The following RPRD1A variants were observed in gnomAD, a reference collection of about 807,000 sequenced individuals.
The protein encoded by RPRD1A is regulation of nuclear pre-mRNA domain-containing protein 1A.
In RPRD1A, 9 loss-of-function variants were observed where a neutral mutation model predicts 37.8. That is an observed-to-expected ratio of 0.24 (90% CI 0.14 to 0.42). The LOEUF (loss-of-function observed/expected upper bound fraction) is 0.42, where lower values mean the gene tolerates loss of function less well. RPRD1A is among the 10% of genes least tolerant of loss of function. RPRD1A has a pLI of 1.00. For synonymous variants in RPRD1A, 138 were observed against 139.7 expected, an observed-to-expected ratio of 0.99 and a Z score of 0.08; for missense variants, 255 against 371.0, an observed-to-expected ratio of 0.69 and a Z score of 2.57.
chr18:36,014,571 T>A (rs1281203270), intron 6 of RPRD1A, among the ~76,000 whole-genome samples: 1 of 152,122 alleles, frequency 6.6e-6, no homozygotes, highest in Non-Finnish European at 1.5e-5. Flanking sequence ...AAACCCCGTC[T>A]CTACTAAAAA....
chr18:36,040,379 G>T (rs1233841576), intron 1 of RPRD1A, among the ~76,000 whole-genome samples: 1 of 152,154 alleles, frequency 6.6e-6, no homozygotes, highest in African/African-American at 2.4e-5. Flanking sequence ...TTAGTGAAAA[G>T]AATATTCTTG....
At position 35,991,676 on chromosome 18, in the gene RPRD1A, C is replaced by T. The variant is rs1489987928; in HGVS notation, c.*1475G>A. 3 of 152,176 alleles carry T rather than the reference C, an allele frequency of 2.0e-5. No homozygotes were observed. Among genetic ancestry groups the T allele is most frequent in the African/African-American group, 4.8e-5 (2 of 41,434 alleles). 9.4% of individuals were successfully genotyped at this position (152,176 alleles called of 1,614,324 possible). A position where few individuals can be genotyped will look rare whatever the true frequency, so the allele number is the denominator to read the frequency against. Reference sequence around the variant, plus strand: ...ATTAGTAGTGCATGGATGAGCACTACTTATATGTGTCTCTGTTTTGGAGAG... The same window carrying T: ...ATTAGTAGTGCATGGATGAGCACTATTTATATGTGTCTCTGTTTTGGAGAG... On this transcript the variant is annotated 3_prime_UTR_variant, in exon 7 of 7. Coordinates refer to ENST00000399022, the MANE Select transcript of RPRD1A (RefSeq NM_018170.5).
rs1555670677 is a variant in RPRD1A at position 36,008,575 on chromosome 18, G to GTGTGTGTGTA, written c.790-15276_790-15275insTACACACACA. Among the ~76,000 whole-genome samples, 73 of 42,358 alleles carry GTGTGTGTGTA rather than the reference G, an allele frequency of 1.7e-3. 2 individuals carry two copies. Among genetic ancestry groups the GTGTGTGTGTA allele is most frequent in the East Asian group, 5.5e-3 (9 of 1,646 alleles). 27.8% of individuals were successfully genotyped at this position (42,358 alleles called of 152,430 possible). On this transcript the variant is annotated intron_variant, in intron 6 of 6. Transcript: ENST00000399022. ...TGGGCGACACAGCAAGACCTTGTGT[G>GTGTGTGTGTA]TGTATATATATATATCTTTAAAAAT... is the stretch of plus-strand genomic sequence containing the variant.
intron 6 of RPRD1A, among the ~76,000 whole-genome samples, chr18:36,017,353 T>C (rs1910660741): frequency 6.6e-6 from 1 of 152,172 alleles, no homozygotes. Context: ...TTCAGGCTTT[T>C]ACTGCTGAGC....
intron 6 of RPRD1A, among the ~76,000 whole-genome samples, chr18:36,010,088 T>C (rs1212785069): frequency 6.6e-6 from 1 of 152,188 alleles, no homozygotes; most frequent in East Asian, 1.9e-4. Flanking sequence ...GATATGTTAG[T>C]TATTTAATAT....
At chr18:36,035,769 G>A (rs886669613) in intron 1 of RPRD1A, among the ~76,000 whole-genome samples, 2 of 152,142 alleles carry the variant, frequency 1.3e-5, no homozygotes, top group East Asian at 1.9e-4. Flanking sequence ...TATAGAAGAA[G>A]GAAATGTTGA....
chr18:36,065,358 T>C (rs2089009032), intron 1 of RPRD1A, among the ~76,000 whole-genome samples: 1 of 152,360 alleles, frequency 6.6e-6, no homozygotes, highest in African/African-American at 2.4e-5. Context: ...AGTCACGTTG[T>C]TTCATGCAGC....
At chr18:36,025,786 A>G (rs1431857256) in intron 6 of RPRD1A, 1 of 394,482 alleles carries the variant, frequency 2.5e-6, no homozygotes, top group Non-Finnish European at 4.3e-6. Context: ...AACAATTAAC[A>G]CTATGTTTAA....
intron 6 of RPRD1A, among the ~76,000 whole-genome samples, chr18:36,022,349 C>T (rs955734559): frequency 6.6e-6 from 1 of 152,154 alleles, no homozygotes; most frequent in Admixed American, 6.5e-5. Flanking sequence ...GGTGGCTACA[C>T]TAAACAACAG....
chr18:36,029,350 G>A (rs771226012), intron 4 of RPRD1A, among the ~76,000 whole-genome samples: 1 of 152,070 alleles, frequency 6.6e-6, no homozygotes, highest in African/African-American at 2.4e-5. Flanking sequence ...TAACTCCCAC[G>A]GAGCACTGTG....
At chr18:35,996,281 A>G (rs1909052710) in intron 6 of RPRD1A, among the ~76,000 whole-genome samples, 1 of 152,154 alleles carries the variant, frequency 6.6e-6, no homozygotes, top group Non-Finnish European at 1.5e-5. Flanking sequence ...TTTTTTAAAG[A>G]AAGTCTGATG....
intron 6 of RPRD1A, among the ~76,000 whole-genome samples, chr18:36,007,678 G>A (rs1183020618): frequency 6.6e-6 from 1 of 152,162 alleles, no homozygotes; most frequent in East Asian, 1.9e-4. Context: ...GGTGGCTCAT[G>A]CCTGAAATCC....
chr18:35,997,796 G>A (rs1022062423), intron 6 of RPRD1A, among the ~76,000 whole-genome samples: 5 of 152,066 alleles, frequency 3.3e-5, no homozygotes, highest in African/African-American at 9.7e-5. Flanking sequence ...GTACCCATCC[G>A]TGTAACCAAC....
At chr18:36,000,679 AT>A (rs1365946092) in intron 6 of RPRD1A, among the ~76,000 whole-genome samples, 1 of 152,216 alleles carries the variant, frequency 6.6e-6, no homozygotes, top group African/African-American at 2.4e-5. Flanking sequence ...TATGCCAAAC[AT>A]TGTTCCAAGT....
chr18:36,047,118 G>A (rs1913015000), intron 1 of RPRD1A, among the ~76,000 whole-genome samples: 1 of 152,026 alleles, frequency 6.6e-6, no homozygotes, highest in African/African-American at 2.4e-5. Context: ...CTATTCAGGA[G>A]GCTCGCTTGA....
Position 36,048,100 on chromosome 18 carries a change from CTT to C in RPRD1A, c.152-14265_152-14264del, listed in dbSNP as rs1435536825. 3.2e-5 allele frequency among the ~76,000 whole-genome samples: 4 copies of C among 124,272 alleles called. No homozygotes were observed. The South Asian group carries it at 1.0e-3, about 32-fold the overall frequency. 81.5% of individuals were successfully genotyped at this position (124,272 alleles called of 152,430 possible). A position where few individuals can be genotyped will look rare whatever the true frequency, so the allele number is the denominator to read the frequency against. On this transcript the variant is annotated intron_variant, in intron 1 of 6. Coordinates refer to ENST00000399022, the MANE Select transcript of RPRD1A (RefSeq NM_018170.5). ...TTTTTTTTTTTGAGACAGTTTCGCT[CTT>C]GTTGCCCAAGCTGGAGTGCAATGGC... is the stretch of plus-strand genomic sequence containing the variant.
chr18:36,028,280 T>C (rs574573867), intron 4 of RPRD1A: 4 of 152,186 alleles, frequency 2.6e-5, no homozygotes, highest in African/African-American at 9.6e-5. Flanking sequence ...TGATCAAATG[T>C]GGTAGGAATG....
intron 1 of RPRD1A, among the ~76,000 whole-genome samples, chr18:36,052,082 T>C (rs1913434574): frequency 6.7e-6 from 1 of 149,702 alleles, no homozygotes; most frequent in East Asian, 2.0e-4. Flanking sequence ...GGAGTCTCAG[T>C]AAGATTAAAA....
chr18:36,054,918 G>A (rs1269023347), intron 1 of RPRD1A, among the ~76,000 whole-genome samples: 2 of 151,956 alleles, frequency 1.3e-5, no homozygotes, highest in Non-Finnish European at 2.9e-5. Context: ...CTTATTCACT[G>A]AAGAATCAAC....
Sources: allele counts gnomAD v4.1 joint callset (sites outside exome capture counted in the v4.1 genomes callset), GRCh38; gene constraint gnomAD v4.1.1; transcripts MANE v1.5; gene names NCBI Gene and HGNC (gene_info 2026-07-23, HGNC 2026-07-21).